The following GLIPR1L1 variants were observed in gnomAD, a reference collection of about 807,000 sequenced individuals.
The protein encoded by GLIPR1L1 is GLIPR1-like protein 1.
A neutral mutation model predicts 29.9 loss-of-function variants in GLIPR1L1; 26 were observed. That is an observed-to-expected ratio of 0.87 (90% CI 0.64 to 1.21). The LOEUF (loss-of-function observed/expected upper bound fraction) is 1.21, where lower values mean the gene tolerates loss of function less well. Among genes scored for constraint, GLIPR1L1 ranks in the 50% most tolerant of loss-of-function variants. The pLI is 0.00. For synonymous variants in GLIPR1L1, 77 were observed against 97.5 expected, an observed-to-expected ratio of 0.79 and a Z score of 1.24; for missense variants, 305 against 290.3, an observed-to-expected ratio of 1.05 and a Z score of -0.37.
At chr12:75,363,450 A>G (rs1036945931) in intron 4 of GLIPR1L1, among the ~76,000 whole-genome samples, 1 of 152,164 alleles carries the variant, frequency 6.6e-6, no homozygotes, top group Admixed American at 6.5e-5. Context: ...CTGCACTGAA[A>G]ATAACTATGG....
At chr12:75,363,058 A>G in intron 3 of GLIPR1L1, 44 bp from the exon 4 acceptor site, 3 of 1,026,638 alleles carry the variant, frequency 2.9e-6, no homozygotes, top group Non-Finnish European at 2.9e-6. Flanking sequence ...AAAATTGGAG[A>G]AATTAACAGC....
intron 1 of GLIPR1L1, among the ~76,000 whole-genome samples, chr12:75,340,330 A>C (rs1323829120): frequency 6.6e-6 from 1 of 151,936 alleles, no homozygotes; most frequent in Non-Finnish European, 1.5e-5. Flanking sequence ...ACAAAGATGC[A>C]AAAGTAATTC....
intron 3 of GLIPR1L1, among the ~76,000 whole-genome samples, chr12:75,351,466 C>T (rs2042805163): frequency 6.6e-6 from 1 of 152,040 alleles, no homozygotes; most frequent in Admixed American, 6.5e-5. Context: ...AAGGGAAGCC[C>T]ATCAGACTAA....
chr12:75,338,457 A>G (rs1445288353), intron 1 of GLIPR1L1, among the ~76,000 whole-genome samples: 9 of 152,152 alleles, frequency 5.9e-5, no homozygotes, highest in African/African-American at 2.4e-5. Context: ...GATCATCTCA[A>G]TAGAGTCATG....
intron 3 of GLIPR1L1, among the ~76,000 whole-genome samples, chr12:75,354,166 A>AG (rs35360428): frequency 0.04 from 4,906 of 122,694 alleles, 213 homozygotes; most frequent in African/African-American, 0.13. Flanking sequence ...GAGAAAAAAA[A>AG]GGGGGGGGGG....
At chr12:75,349,798 A>G (rs1350757955) in intron 3 of GLIPR1L1, among the ~76,000 whole-genome samples, 2 of 152,224 alleles carry the variant, frequency 1.3e-5, no homozygotes, top group Non-Finnish European at 2.9e-5. Context: ...GCCTTGAGAA[A>G]CAGAGCAAGA....
chr12:75,353,905 A>T (rs1018022583), intron 3 of GLIPR1L1, among the ~76,000 whole-genome samples: 2 of 152,170 alleles, frequency 1.3e-5, no homozygotes, highest in African/African-American at 4.8e-5. Context: ...TGATTATCTC[A>T]ATAGATGCCA....
intron 3 of GLIPR1L1, among the ~76,000 whole-genome samples, chr12:75,359,042 T>C (rs914228856): frequency 6.0e-5 from 9 of 150,334 alleles, no homozygotes; most frequent in African/African-American, 1.9e-4. Flanking sequence ...CTGTGCTGAT[T>C]GCTACTGTAT....
intron 1 of GLIPR1L1, among the ~76,000 whole-genome samples, chr12:75,339,236 C>T (rs1252425605): frequency 2.6e-5 from 4 of 152,078 alleles, no homozygotes; most frequent in African/African-American, 9.7e-5. Context: ...AAAAATGTTC[C>T]TTTTTTTCCC....
At chr12:75,350,793 G>A (rs1472781953) in intron 3 of GLIPR1L1, among the ~76,000 whole-genome samples, 1 of 152,194 alleles carries the variant, frequency 6.6e-6, no homozygotes, top group East Asian at 1.9e-4. Flanking sequence ...CTCTTCAGCT[G>A]CAAATGATCA....
chr12:75,355,920 C>G (rs995291138), intron 3 of GLIPR1L1, among the ~76,000 whole-genome samples: 1 of 152,090 alleles, frequency 6.6e-6, no homozygotes, highest in Non-Finnish European at 1.5e-5. Context: ...CAAATGGGAG[C>G]TGAACAATGG....
Position 75,347,695 on chromosome 12 carries a change from C to A in GLIPR1L1, c.494C>A (p.Ala165Glu). 1 of 1,603,920 alleles carries A rather than the reference C, an allele frequency of 6.2e-7. No homozygotes were observed. The highest frequency in any genetic ancestry group is 8.5e-7 in the Non-Finnish European group (1 of 1,173,318). ...MCPNLGGAST[A>E]IFVCNYGPAG... is the part of the protein sequence containing the mutation. ...CCTAACCTTGGGGGAGCTTCAACTG[C>A]AATATTTGTATGCAACTACGGACCT... The change falls in exon 3 of 6, where the codon GCA (alanine) becomes GAA (glutamate). Residue 165 changes from alanine (A) to glutamate (E), a missense_variant. Transcript: ENST00000378695.
intron 4 of GLIPR1L1, among the ~76,000 whole-genome samples, chr12:75,366,620 T>C (rs2043980476): frequency 6.6e-6 from 1 of 151,468 alleles, no homozygotes; most frequent in Admixed American, 6.6e-5. Context: ...TTCTTGTCTT[T>C]CCTCTTCTTC....
At chr12:75,339,968 C>T (rs2041992566) in intron 1 of GLIPR1L1, among the ~76,000 whole-genome samples, 1 of 152,076 alleles carries the variant, frequency 6.6e-6, no homozygotes, top group Admixed American at 6.5e-5. Context: ...GTCCTCATAG[C>T]TTAGCTCCCA....
chr12:75,349,833 GA>G (rs921565696), intron 3 of GLIPR1L1, among the ~76,000 whole-genome samples: 2 of 151,916 alleles, frequency 1.3e-5, no homozygotes, highest in Non-Finnish European at 2.9e-5. Flanking sequence ...AAAAAGAAAA[GA>G]AAAAAATTAT....
intron 1 of GLIPR1L1, 142 bp downstream of exon 1, chr12:75,335,044 G>A (rs1426329305): frequency 1.4e-6 from 1 of 737,742 alleles, no homozygotes; most frequent in Admixed American, 3.0e-5. Flanking sequence ...TCACACCTTG[G>A]TTGGGCTGTC....
chr12:75,336,369 GACT>G (rs1358054469), intron 1 of GLIPR1L1, among the ~76,000 whole-genome samples: 1 of 151,698 alleles, frequency 6.6e-6, no homozygotes, highest in African/African-American at 2.4e-5. Flanking sequence ...AAATGCAAAT[GACT>G]ACTACATACT....
intron 3 of GLIPR1L1, among the ~76,000 whole-genome samples, chr12:75,352,956 C>G (rs911453196): frequency 6.6e-6 from 1 of 151,898 alleles, no homozygotes; most frequent in Non-Finnish European, 1.5e-5. Context: ...ATAAGAACAA[C>G]GATATAACAC....
At chr12:75,369,758 T>A (rs2044234622) in intron 4 of GLIPR1L1, 1 of 984,904 alleles carries the variant, frequency 1.0e-6, no homozygotes, top group Non-Finnish European at 1.2e-6. Context: ...TTAGAAATAT[T>A]TGTTGACATA....
Sources: allele counts gnomAD v4.1 joint callset (sites outside exome capture counted in the v4.1 genomes callset), GRCh38; gene constraint gnomAD v4.1.1; transcripts MANE v1.5; gene names NCBI Gene and HGNC (gene_info 2026-07-23, HGNC 2026-07-21).